Variants in METTL6 observed in about 807,000 individuals in gnomAD.
METTL6 encodes methyltransferase 6, tRNA N3-cytidine.
METTL6 carries 22 observed loss-of-function variants against 26.4 expected under a neutral mutation model. The ratio of observed to expected loss-of-function variants is 0.83; its 90% CI spans 0.59 to 1.19. The LOEUF is 1.19. Among genes scored for constraint, METTL6 ranks in the 50% most tolerant of loss-of-function variants. The pLI is 0.00. For missense variants in METTL6, 304 were observed against 324.8 expected, an observed-to-expected ratio of 0.94 and a Z score of 0.49; for synonymous variants, 109 against 116.2, an observed-to-expected ratio of 0.94 and a Z score of 0.40.
chr3:15,424,997 G>C lies in METTL6; in HGVS notation c.318C>G (p.Ala106=). The C allele has an allele frequency of 1.2e-6, 2 of 1,614,174 alleles. No homozygotes were observed. The highest frequency in any genetic ancestry group is 1.7e-6 in the Non-Finnish European group (2 of 1,180,030). ...CTCTTGGAGAAAAATCACAGGCATA[G>C]GCAAAGATATTCGGATCTTCTTCTA... ...PLLEEDPNIF[A]YACDFSPRAI... The change falls in exon 3 of 6, where the codon GCC becomes GCG. Residue 106 remains alanine (A), a synonymous_variant. Transcript: ENST00000383790.
rs570767247 is a variant in METTL6, at chr3:15,385,339, T to C, written c.*12-1152A>G. 3.3e-5 allele frequency among the ~76,000 whole-genome samples: 5 copies of C among 152,312 alleles called. No individual in the cohort carries two copies. The East Asian group carries it at 9.6e-4, about 29-fold the overall frequency. The stretch of plus-strand genomic sequence containing the variant: ...TTGGCCAGGCGCAGTGGCTCACACC[T>C]GTAATCTCAGCGCTTTGGGAGGCCG... On this transcript the variant is annotated intron_variant, in intron 6 of 6. Coordinates refer to the METTL6 transcript ENST00000443029.
chr3:15,411,849 G>A (rs972850822), intron 5 of METTL6, among the ~76,000 whole-genome samples: 2 of 151,552 alleles, frequency 1.3e-5, no homozygotes, highest in Admixed American at 1.3e-4. Context: ...TGCAACCTCC[G>A]ATTCCTGGGC....
intron 6 of METTL6, among the ~76,000 whole-genome samples, chr3:15,385,050 G>T (rs1699156769): frequency 6.6e-6 from 1 of 152,144 alleles, no homozygotes. Context: ...TTCAGAGAAT[G>T]AATCTTCAGT....
chr3:15,426,250 T>G lies in METTL6; in HGVS notation c.225+37A>C, dbSNP rs747759620. On this transcript the variant is annotated intron_variant, in intron 2 of 5. Transcript: ENST00000383790. Reference sequence around the variant, plus strand: ...CATGGCACCCTCTTCACATTTTAAATGAAGAACAGCTCAGATAAGGCGTAA... The same window carrying G: ...CATGGCACCCTCTTCACATTTTAAAGGAAGAACAGCTCAGATAAGGCGTAA... The G allele has an allele frequency of 3.2e-5, 51 of 1,592,408 alleles. 2 individuals carry two copies. The South Asian group carries it at 5.7e-4, about 18-fold the overall frequency.
intron 6 of METTL6, among the ~76,000 whole-genome samples, chr3:15,386,336 G>C (rs1373075285): frequency 6.6e-6 from 1 of 152,214 alleles, no homozygotes; most frequent in Non-Finnish European, 1.5e-5. Context: ...CTTCCTTGGA[G>C]GACAGAATTC....
At chr3:15,425,161 C>T (rs1038174069) in intron 2 of METTL6, 72 bp from the exon 3 acceptor site, 35 of 1,561,334 alleles carry the variant, frequency 2.2e-5, no homozygotes, top group Non-Finnish European at 3.0e-5. Context: ...ACTAAAAGGT[C>T]CAGAATATGA....
intron 6 of METTL6, among the ~76,000 whole-genome samples, chr3:15,387,311 C>T (rs1201483032): frequency 2.0e-5 from 3 of 152,210 alleles, no homozygotes; most frequent in African/African-American, 7.2e-5. Context: ...AGGTCACTTT[C>T]ATTACCATCT....
chr3:15,416,727 T>C (rs1351863289), intron 3 of METTL6, among the ~76,000 whole-genome samples: 1 of 152,244 alleles, frequency 6.6e-6, no homozygotes, highest in African/African-American at 2.4e-5. Context: ...AATGTGTTCC[T>C]GGTACATTTT....
intron 6 of METTL6, among the ~76,000 whole-genome samples, chr3:15,401,900 A>T (rs1699657326): frequency 6.6e-6 from 1 of 152,224 alleles, no homozygotes; most frequent in South Asian, 2.1e-4. Context: ...TCAGTGGGGC[A>T]GCCCATGCCA....
intron 6 of METTL6, among the ~76,000 whole-genome samples, chr3:15,396,096 A>G (rs1306057100): frequency 6.6e-6 from 1 of 152,198 alleles, no homozygotes; most frequent in East Asian, 1.9e-4. Context: ...GTGTTTTCCA[A>G]CTTGGTTCCA....
At chr3:15,411,939 A>G (rs148721452) in intron 5 of METTL6, among the ~76,000 whole-genome samples, 3,283 of 151,890 alleles carry the variant, frequency 0.022, 101 homozygotes, top group African/African-American at 0.072. Flanking sequence ...ATTTTTTTGT[A>G]TTTTTAGTAG....
intron 5 of METTL6, 152 bp downstream of exon 5, chr3:15,413,869 G>T (rs1176360249): frequency 2.0e-6 from 3 of 1,520,236 alleles, no homozygotes; most frequent in Non-Finnish European, 2.6e-6. Context: ...GTGCCTTCCA[G>T]GTGCTGGGTA....
chr3:15,385,422 A>G (rs978483252), intron 6 of METTL6, among the ~76,000 whole-genome samples: 1 of 152,134 alleles, frequency 6.6e-6, no homozygotes, highest in Non-Finnish European at 1.5e-5. Flanking sequence ...ACATGGGGAA[A>G]ACCTGTCTCT....
chr3:15,427,587 TC>T (rs2061758024), upstream of METTL6: 1 of 585,510 alleles, frequency 1.7e-6, no homozygotes, highest in Non-Finnish European at 3.0e-6. Context: ...CGGCCTTGCC[TC>T]CTCAGATTCC....
Position 15,424,971 on chromosome 3 carries a change from GC to G in METTL6, c.343del (p.Ala115ProfsTer23). The G allele has an allele frequency of 6.2e-7, 1 of 1,614,104 alleles. No individual in the cohort carries two copies. Among genetic ancestry groups the G allele is most frequent in the Non-Finnish European group, 8.5e-7 (1 of 1,179,994 alleles). ...TGCACCAACCTTAACATATTCAATG[GC>G]TCTTGGAGAAAAATCACAGGCATAG... ...FAYACDFSPR[A>X]IEYVKQNPLY... On this transcript the variant is annotated frameshift_variant, in exon 3 of 6. Transcript: ENST00000383790. LOFTEE classifies it high-confidence loss of function.
At chr3:15,426,178 A>T in intron 2 of METTL6, 109 bp downstream of exon 2, 1 of 1,014,230 alleles carries the variant, frequency 9.9e-7, no homozygotes. Context: ...TGACTTCGTG[A>T]TCCGCCTGCC....
rs778948618 is a variant in METTL6 at position 15,424,969 on chromosome 3, T to C, written c.346A>G (p.Ile116Val). 1 of 1,614,160 alleles carries C rather than the reference T, an allele frequency of 6.2e-7. No individual in the cohort carries two copies. Among genetic ancestry groups the C allele is most frequent in the Non-Finnish European group, 8.5e-7 (1 of 1,180,026 alleles). ...GGTGCACCAACCTTAACATATTCAATGGCTCTTGGAGAAAAATCACAGGCA... is the reference window on the plus strand; with the variant it reads ...GGTGCACCAACCTTAACATATTCAACGGCTCTTGGAGAAAAATCACAGGCA... ...AYACDFSPRA[I>V]EYVKQNPLYD... Residue 116 changes from isoleucine to valine, a missense_variant, in exon 3 of 6, where the codon ATT (isoleucine) becomes GTT (valine). Coordinates refer to ENST00000383790, the MANE Select transcript of METTL6 (RefSeq NM_152396.4).
chr3:15,411,103 C>G lies in METTL6; in HGVS notation c.*153G>C. The G allele has an allele frequency of 1.3e-6, 1 of 763,744 alleles. No individual in the cohort carries two copies. Among genetic ancestry groups the G allele is most frequent in the African/African-American group, 1.8e-5 (1 of 56,296 alleles). 47.3% of individuals were successfully genotyped at this position (763,744 alleles called of 1,614,324 possible). On this transcript the variant is annotated 3_prime_UTR_variant, in exon 6 of 6. Coordinates refer to ENST00000383790, the MANE Select transcript of METTL6 (RefSeq NM_152396.4). ...AGAGATGGGGTCTCACCATGTTGGC[C>G]AGGCTGGTCTCAAACTCCTGACCTC...
intron 6 of METTL6, among the ~76,000 whole-genome samples, chr3:15,398,881 T>A (rs1054428295): frequency 6.6e-6 from 1 of 152,112 alleles, no homozygotes; most frequent in African/African-American, 2.4e-5. Context: ...CCTACTGGGC[T>A]GCATTCCCAG....
Sources: gnomAD v4.1 joint callset for allele counts (sites outside exome capture counted in the v4.1 genomes callset) on GRCh38, gnomAD v4.1.1 for gene constraint, MANE v1.5 for transcripts, NCBI Gene and HGNC (gene_info 2026-07-23, HGNC 2026-07-21) for gene names.